Variants in ANGEL2 observed in about 807,000 individuals in gnomAD.
ANGEL2 encodes angel homolog 2.
In ANGEL2, 41 loss-of-function variants were observed where a neutral mutation model predicts 66.0. The observed-to-expected ratio is 0.62, with a 90% CI of 0.48 to 0.81. The LOEUF is 0.81. ANGEL2 is among the 30% of genes least tolerant of loss of function. The pLI is 0.00. For synonymous variants in ANGEL2, 208 were observed against 226.5 expected (o/e 0.92, Z 0.73); for missense variants, 561 against 641.6 (o/e 0.87, Z 1.36).
At chr1:212,998,403 TAAA>T (rs2076084282) in intron 7 of ANGEL2, among the ~76,000 whole-genome samples, 2 of 151,228 alleles carry the variant, frequency 1.3e-5, no homozygotes, top group Admixed American at 1.3e-4. Context: ...AACTCTCAAA[TAAA>T]AATAATAAAT....
chr1:213,015,708 G>A lies in ANGEL2; in HGVS notation c.-37C>T, dbSNP rs2076627869. 1 of 1,613,868 alleles carries A rather than the reference G, an allele frequency of 6.2e-7. No homozygotes were observed. The highest frequency in any genetic ancestry group is 8.5e-7 in the Non-Finnish European group (1 of 1,179,964). ...GCGTGCGTCCAGTTCCCAGGCCCCG[G>A]GTTCCACCTCAATCTCTATAATCGA... On this transcript the variant is annotated 5_prime_UTR_variant, in exon 1 of 9. Transcript: ENST00000366962.
At chr1:213,010,073 G>A (rs1228229311) in intron 2 of ANGEL2, among the ~76,000 whole-genome samples, 5 of 149,548 alleles carry the variant, frequency 3.3e-5, no homozygotes, top group African/African-American at 4.9e-5. Context: ...AAAAAAAGAT[G>A]GAAAGAAACA....
chr1:213,012,080 A>G (rs530794743), intron 2 of ANGEL2, among the ~76,000 whole-genome samples: 72 of 152,326 alleles, frequency 4.7e-4, no homozygotes, highest in African/African-American at 1.7e-3. Context: ...CTGTGTAGCA[A>G]TAAGTTACAC....
At chr1:213,010,361 G>T (rs2076471579) in intron 2 of ANGEL2, among the ~76,000 whole-genome samples, 1 of 151,796 alleles carries the variant, frequency 6.6e-6, no homozygotes, top group South Asian at 2.1e-4. Context: ...CACAAGGTCA[G>T]GAGACCAAGA....
chr1:213,002,162 A>C (rs2076195146), intron 5 of ANGEL2: 1 of 152,292 alleles, frequency 6.6e-6, no homozygotes, highest in Admixed American at 6.5e-5. Flanking sequence ...AAATAAGGAG[A>C]CCTGTAGGTA....
chr1:212,998,972 C>A (rs1206989928), intron 7 of ANGEL2, among the ~76,000 whole-genome samples: 3 of 152,060 alleles, frequency 2.0e-5, no homozygotes, highest in African/African-American at 4.8e-5. Flanking sequence ...CTCTGCCCCC[C>A]AGGGTTCAAG....
chr1:213,000,201 G>A, intron 7 of ANGEL2, 125 bp downstream of exon 7: 2 of 842,740 alleles, frequency 2.4e-6, no homozygotes, highest in Non-Finnish European at 3.8e-6. Context: ...CTGACTTAAG[G>A]GCCAGCACCC....
In ANGEL2 at chr1:212,997,157, G is replaced by C; in HGVS notation, c.1481C>G (p.Pro494Arg). 6.2e-7 allele frequency: 1 copy of C among 1,612,110 alleles called. No individual in the cohort carries two copies. The highest frequency in any genetic ancestry group is 8.5e-7 in the Non-Finnish European group (1 of 1,178,520). ...TTAAGATTACATGCATTCCTTACCT[G>C]GGTGCCCAGCAACATCTTCCTTTTC... is the stretch of plus-strand genomic sequence containing the variant. ...SAEKEDVAGH[P>R]GAEVALVGGL... Residue 494 changes from proline to arginine, a missense_variant and splice_region_variant, in exon 8 of 9, where the codon CCA (proline) becomes CGA (arginine). By Grantham distance (103) the Pro-to-Arg change is moderately radical (BLOSUM62 -2). Transcript: ENST00000366962.
At position 213,011,063 on chromosome 1, in the gene ANGEL2, C is replaced by A. The variant is rs112410240; in HGVS notation, c.385+2030G>T. 8 of 814,656 alleles carry A rather than the reference C, an allele frequency of 9.8e-6. 1 individual carries two copies. The African/African-American group carries it at 1.1e-4, about 11-fold the overall frequency. The allele number at this position is 814,656 out of a possible 1,614,324, so 50.5% of individuals were successfully genotyped here. On this transcript the variant is annotated intron_variant, in intron 2 of 8. Transcript: ENST00000366962. ...GGGTGAACACATATTTTATACTGAC[C>A]ACATTTGCTTTTAATAAACTTACAG...
intron 2 of ANGEL2, chr1:213,011,423 T>C (rs1394737617): frequency 1.8e-6 from 2 of 1,133,010 alleles, no homozygotes; most frequent in Non-Finnish European, 2.2e-6. Context: ...GTCACAAATA[T>C]GGCTTAACGA....
intron 7 of ANGEL2, among the ~76,000 whole-genome samples, chr1:212,999,229 G>C (rs2148139624): frequency 6.6e-6 from 1 of 152,014 alleles, no homozygotes; most frequent in Non-Finnish European, 1.5e-5. Context: ...GCCCAGGCTG[G>C]TTTCAAACTC....
Position 213,005,062 on chromosome 1 carries a change from A to AT in ANGEL2, c.1104dup (p.Leu369IlefsTer4). 6.3e-7 allele frequency: 1 copy of AT among 1,578,686 alleles called. No homozygotes were observed. The highest frequency in any genetic ancestry group is 8.6e-7 in the Non-Finnish European group (1 of 1,166,156). ...CCTATGGGAAGTCCTTCATAATTCA[A>AT]TTTTCCTTCCTTTATGAAACTATAT... On this transcript the variant is annotated frameshift_variant, in exon 5 of 9. Transcript: ENST00000366962. LOFTEE classifies it high-confidence loss of function.
intron 8 of ANGEL2, among the ~76,000 whole-genome samples, chr1:212,996,093 G>T (rs960026795): frequency 8.6e-5 from 13 of 151,940 alleles, no homozygotes; most frequent in African/African-American, 2.9e-4. Context: ...AGATCATGAG[G>T]TCAGGAGATC....
chr1:213,000,744 T>A, intron 6 of ANGEL2, 42 bp downstream of exon 6: 5 of 1,565,740 alleles, frequency 3.2e-6, no homozygotes, highest in Non-Finnish European at 4.3e-6. Flanking sequence ...AAAGGGAACA[T>A]GATTACCCAG....
intron 1 of ANGEL2, chr1:213,015,402 T>C (rs1233081246): frequency 8.4e-6 from 12 of 1,424,592 alleles, no homozygotes; most frequent in Non-Finnish European, 1.1e-5. Context: ...CCAGACCTCG[T>C]TGGCCCAGCG....
chr1:213,013,346 C>G lies in ANGEL2; in HGVS notation c.132G>C (p.Arg44Ser), dbSNP rs74825882. 1,686 of 1,614,138 alleles carry G rather than the reference C, an allele frequency of 1.0e-3. 15 individuals are homozygous for G. The African/African-American group carries it at 0.02, about 19-fold the overall frequency. ...TAGAAATATGTCTGTTCCAGCAACA[C>G]CTTTGCAGATTCTCCCACGGTGTAG... Reference protein sequence around the residue: ...DWTTPWENLQRCCWNRHISSC... With the variant: ...DWTTPWENLQSCCWNRHISSC... Residue 44 changes from arginine (R) to serine (S), a missense_variant, in exon 2 of 9, where the codon AGG (arginine) becomes AGC (serine). Coordinates refer to ENST00000366962, the MANE Select transcript of ANGEL2 (RefSeq NM_144567.5).
At chr1:212,996,275 C>T (rs991161350) in intron 8 of ANGEL2, among the ~76,000 whole-genome samples, 1 of 152,054 alleles carries the variant, frequency 6.6e-6, no homozygotes, top group African/African-American at 2.4e-5. Flanking sequence ...CCACTGCACT[C>T]CAGCCTGGGC....
At chr1:213,001,967 G>C in intron 5 of ANGEL2, 1 of 173,164 alleles carries the variant, frequency 5.8e-6, no homozygotes, top group Non-Finnish European at 1.2e-5. Context: ...AGTCATCCAT[G>C]AGGGCTGGAA....
Position 212,995,081 on chromosome 1 carries a change from T to C in ANGEL2, c.1595A>G (p.Asp532Gly). 1 of 1,612,318 alleles carries C rather than the reference T, an allele frequency of 6.2e-7. No homozygotes were observed. Among genetic ancestry groups the C allele is most frequent in the Non-Finnish European group, 8.5e-7 (1 of 1,179,048 alleles). ...NGLPNENNSS[D>G]HLPLLAKFRL... ...GAACTTTGCCAATAAAGGCAGATGA[T>C]CTGAAGAGTTATTTTCGTTTGGAAG... Residue 532 changes from aspartate to glycine, a missense_variant, in exon 9 of 9, where the codon GAT (aspartate) becomes GGT (glycine). Coordinates refer to ENST00000366962, the MANE Select transcript of ANGEL2 (RefSeq NM_144567.5).
Sources: allele counts gnomAD v4.1 joint callset (sites outside exome capture counted in the v4.1 genomes callset), GRCh38; gene constraint gnomAD v4.1.1; transcripts MANE v1.5; gene names NCBI Gene and HGNC (gene_info 2026-07-23, HGNC 2026-07-21).